The following PLXNA4 variants were observed in gnomAD, a reference collection of about 807,000 sequenced individuals.
PLXNA4 encodes the protein plexin-A4.
A neutral mutation model predicts 191.8 loss-of-function variants in PLXNA4; 44 were observed. The observed-to-expected ratio is 0.23, with a 90% CI of 0.18 to 0.29. The LOEUF (loss-of-function observed/expected upper bound fraction) is 0.29, where lower values mean the gene tolerates loss of function less well. Ranked by LOEUF, PLXNA4 falls within the 10% of genes least tolerant of loss-of-function variation. PLXNA4 has a pLI of 1.00. For missense variants in PLXNA4, 1,800 were observed against 2,488.8 expected, an observed-to-expected ratio of 0.72 and a Z score of 5.89; for synonymous variants, 1,082 against 1,009.5, an observed-to-expected ratio of 1.07 and a Z score of -1.36.
At chr7:132,306,364 C>T (rs938154540) in intron 3 of PLXNA4, among the ~76,000 whole-genome samples, 5 of 152,206 alleles carry the variant, frequency 3.3e-5, no homozygotes, top group South Asian at 2.1e-4. Context: ...CACATGACTT[C>T]AGCTCTCCTA....
intron 3 of PLXNA4, among the ~76,000 whole-genome samples, chr7:132,314,767 C>T (rs79683683): frequency 1.4e-4 from 21 of 152,280 alleles, no homozygotes; most frequent in East Asian, 1.3e-3. Flanking sequence ...CCATCCTCAA[C>T]GTAGACCAGG....
intron 3 of PLXNA4, among the ~76,000 whole-genome samples, chr7:132,355,136 A>T (rs536859527): frequency 3.3e-5 from 5 of 152,112 alleles, no homozygotes; most frequent in Admixed American, 2.0e-4. Context: ...AAGCCTTTGG[A>T]TCTCCAGCAG....
intron 9 of PLXNA4, among the ~76,000 whole-genome samples, chr7:132,220,149 C>G (rs1258336725): frequency 6.6e-6 from 1 of 152,206 alleles, no homozygotes; most frequent in Non-Finnish European, 1.5e-5. Flanking sequence ...CACTAGCAGC[C>G]AGGAACTGTC....
At chr7:132,401,822 C>CCAGCT (rs1411964001) in intron 3 of PLXNA4, among the ~76,000 whole-genome samples, 5 of 152,146 alleles carry the variant, frequency 3.3e-5, no homozygotes, top group Non-Finnish European at 7.3e-5. Context: ...AACACCTGAA[C>CCAGCT]CAGCTCTAAG....
chr7:132,470,961 C>T (rs1796911576), intron 3 of PLXNA4, among the ~76,000 whole-genome samples: 2 of 152,168 alleles, frequency 1.3e-5, no homozygotes, highest in South Asian at 2.1e-4. Context: ...GGATATGAGT[C>T]CCCGCCCAAA....
chr7:132,266,306 T>A (rs1391158012), intron 4 of PLXNA4: 1 of 152,202 alleles, frequency 6.6e-6, no homozygotes, highest in Non-Finnish European at 1.5e-5. Flanking sequence ...TCTCCAACCT[T>A]TTAAAACATT....
chr7:132,197,036 T>C (rs1196417442), intron 13 of PLXNA4, among the ~76,000 whole-genome samples: 1 of 152,240 alleles, frequency 6.6e-6, no homozygotes, highest in Admixed American at 6.5e-5. Flanking sequence ...CAATGATTTT[T>C]GATGCACAAG....
At chr7:132,227,379 C>T (rs1420142801) in intron 7 of PLXNA4, 72 bp downstream of exon 7, 13 of 1,591,466 alleles carry the variant, frequency 8.2e-6, no homozygotes, top group Middle Eastern at 1.8e-4. Context: ...GATCCCCCCA[C>T]ATCTGTCCTG....
At chr7:132,136,070 C>G (rs1230979729) in intron 30 of PLXNA4, among the ~76,000 whole-genome samples, 1 of 152,176 alleles carries the variant, frequency 6.6e-6, no homozygotes, top group Admixed American at 6.5e-5. Context: ...GTCCCATCTT[C>G]TCTGCAGGGC....
Position 132,634,462 on chromosome 7 carries a change from G to GCACACACA in PLXNA4, c.-87+11458_-87+11465dup, listed in dbSNP as rs146537137. 7.5e-5 allele frequency among the ~76,000 whole-genome samples: 11 copies of GCACACACA among 146,542 alleles called. 1 individual carries two copies. The highest frequency in any genetic ancestry group is 7.4e-4 in the Admixed American group (11 of 14,854). On this transcript the variant is annotated intron_variant, in intron 2 of 4. Transcript: ENST00000378539. ...ACATACACACAGGAACACTGCCCCA[G>GCACACACA]CACACACACACACACACACACTACA...
intron 3 of PLXNA4, among the ~76,000 whole-genome samples, chr7:132,419,076 GTCCTT>G (rs1230743352): frequency 6.6e-6 from 1 of 152,220 alleles, no homozygotes. Context: ...GGAGCTCTGT[GTCCTT>G]GGTCCTGGGA....
At chr7:132,574,428 G>A (rs1239462250) in intron 1 of PLXNA4, among the ~76,000 whole-genome samples, 1 of 152,260 alleles carries the variant, frequency 6.6e-6, no homozygotes, top group African/African-American at 2.4e-5. Flanking sequence ...CCCTCAAGGG[G>A]CATGTGGGGA....
At chr7:132,474,067 C>CAA (rs1221708385) in intron 3 of PLXNA4, among the ~76,000 whole-genome samples, 1 of 137,826 alleles carries the variant, frequency 7.3e-6, no homozygotes, top group South Asian at 2.2e-4. Flanking sequence ...CAAAACAAAA[C>CAA]AAAAAAAAAC....
At position 132,198,583 on chromosome 7, in the gene PLXNA4, C is replaced by T; in HGVS notation, c.2640G>A (p.Gly880=). 6.8e-6 allele frequency: 11 copies of T among 1,614,240 alleles called. No homozygotes were observed. The highest frequency in any genetic ancestry group is 9.3e-6 in the Non-Finnish European group (11 of 1,180,052). Residue 880 remains glycine (G), a synonymous_variant, in exon 13 of 32, where the codon GGG becomes GGA. Coordinates refer to ENST00000321063, the MANE Select transcript of PLXNA4 (RefSeq NM_020911.2). The part of the protein sequence containing the change: ...REGGTKVTIR[G]ENLGLEFRDI... ...CGCGAAATTCCAGGCCCAGGTTCTCCCCTCGGATAGTGACCTTGGTGCCCC... is the reference window on the plus strand; with the variant it reads ...CGCGAAATTCCAGGCCCAGGTTCTCTCCTCGGATAGTGACCTTGGTGCCCC...
chr7:132,185,396 C>G lies in PLXNA4; in HGVS notation c.3061G>C (p.Val1021Leu), dbSNP rs954146106. Reference protein sequence around the residue: ...SDEVLEMKVSVQVDRAKIHQD... With the variant: ...SDEVLEMKVSLQVDRAKIHQD... ...TGGATCTTGGCCCTGTCCACCTGCA[C>G]CGACACCTTCATCTCTAGCACCTCA... Residue 1021 changes from valine (V) to leucine (L), a missense_variant, in exon 16 of 32, where the codon GTG becomes CTG. Val to Leu is a conservative substitution (Grantham distance 32). Coordinates refer to ENST00000321063, the MANE Select transcript of PLXNA4 (RefSeq NM_020911.2). 3.1e-6 allele frequency: 5 copies of G among 1,613,994 alleles called. No individual in the cohort carries two copies. Among genetic ancestry groups the G allele is most frequent in the Non-Finnish European group, 4.2e-6 (5 of 1,180,028 alleles).
At chr7:132,164,625 G>T (rs905165355) in intron 23 of PLXNA4, among the ~76,000 whole-genome samples, 1 of 151,840 alleles carries the variant, frequency 6.6e-6, no homozygotes, top group South Asian at 2.1e-4. Context: ...TCTCTCAGAG[G>T]CCCCATCCAA....
chr7:132,571,197 C>G (rs1801964357), intron 1 of PLXNA4, among the ~76,000 whole-genome samples: 2 of 152,190 alleles, frequency 1.3e-5, no homozygotes, highest in African/African-American at 4.8e-5. Flanking sequence ...TGGAGTGGGA[C>G]AGAACCCAAC....
In PLXNA4 at chr7:132,226,265, A is replaced by G; in HGVS notation, c.1883-5T>C. The G allele has an allele frequency of 6.2e-7, 1 of 1,611,516 alleles. No individual in the cohort carries two copies. The highest frequency in any genetic ancestry group is 1.1e-5 in the South Asian group (1 of 90,988). On this transcript the variant is annotated splice_region_variant and splice_polypyrimidine_tract_variant and intron_variant, in intron 7 of 31. Coordinates refer to ENST00000321063, the MANE Select transcript of PLXNA4 (RefSeq NM_020911.2). ...GCTGTACGACATGGTGGTCCCCTAC[A>G]AGGAGAGATGGCTGAGGGGTCAGGG...
rs1056367560 is a variant in PLXNA4, at chr7:132,164,455, C to T, written c.4354-167G>A. On this transcript the variant is annotated intron_variant, in intron 23 of 31. Transcript: ENST00000321063. ...ATCTCCTTCTCTCCATCTCCTCATC[C>T]TTCAGGCTGGCATTCCTCCTGGCTC... 9.8e-5 allele frequency among the ~76,000 whole-genome samples: 15 copies of T among 152,344 alleles called. No homozygotes were observed. In the East Asian group the frequency reaches 2.9e-3, roughly 29 times the overall value.
Sources: gnomAD v4.1 joint callset for allele counts (sites outside exome capture counted in the v4.1 genomes callset) on GRCh38, gnomAD v4.1.1 for gene constraint, MANE v1.5 for transcripts, NCBI Gene and HGNC (gene_info 2026-07-23, HGNC 2026-07-21) for gene names.